Variants in LRP1B observed in about 807,000 individuals in gnomAD.
The protein encoded by LRP1B is low-density lipoprotein receptor-related protein 1B.
In LRP1B, 217 loss-of-function variants were observed where a neutral mutation model predicts 556.6. That is an observed-to-expected ratio of 0.39 (90% CI 0.35 to 0.44). The LOEUF (loss-of-function observed/expected upper bound fraction) is 0.44, where lower values mean the gene tolerates loss of function less well. Among genes scored for constraint, LRP1B ranks in the 20% least tolerant of loss-of-function variants. The pLI is 1.00. For synonymous variants in LRP1B, 2,047 were observed against 1,865.8 expected, an observed-to-expected ratio of 1.10 and a Z score of -2.50; for missense variants, 5,053 against 5,620.8, an observed-to-expected ratio of 0.90 and a Z score of 3.23.
chr2:141,217,484 G>T (rs955527618), intron 6 of LRP1B, among the ~76,000 whole-genome samples: 3 of 152,082 alleles, frequency 2.0e-5, no homozygotes, highest in Non-Finnish European at 4.4e-5. Context: ...GAAGACAGAG[G>T]TGAACTATCA....
intron 66 of LRP1B, among the ~76,000 whole-genome samples, chr2:140,400,398 T>C (rs1416510518): frequency 6.6e-6 from 1 of 152,198 alleles, no homozygotes; most frequent in African/African-American, 2.4e-5. Context: ...ATCTCGTTCC[T>C]GTAGCAACAT....
At chr2:140,301,691 T>C (rs983059847) in intron 83 of LRP1B, among the ~76,000 whole-genome samples, 2 of 151,950 alleles carry the variant, frequency 1.3e-5, no homozygotes, top group Admixed American at 1.3e-4. Flanking sequence ...TATAAACTGA[T>C]TTTAATTATT....
chr2:140,605,015 T>C (rs1057343796), intron 41 of LRP1B, among the ~76,000 whole-genome samples: 1 of 152,054 alleles, frequency 6.6e-6, no homozygotes, highest in Admixed American at 6.6e-5. Context: ...AATTACCCAG[T>C]CTCGGGTATG....
intron 31 of LRP1B, among the ~76,000 whole-genome samples, chr2:140,827,599 T>G (rs1691554283): frequency 6.6e-6 from 1 of 151,246 alleles, no homozygotes; most frequent in African/African-American, 2.4e-5. Flanking sequence ...TAAAAAGAAA[T>G]GAAGAACACC....
chr2:141,270,597 TGCAGG>T (rs1259636429), intron 3 of LRP1B, among the ~76,000 whole-genome samples: 4 of 152,062 alleles, frequency 2.6e-5, no homozygotes, highest in African/African-American at 9.7e-5. Context: ...TGGGACATTA[TGCAGG>T]CTTAACAAAA....
chr2:140,315,648 A>G (rs893090704), intron 82 of LRP1B, among the ~76,000 whole-genome samples: 5 of 152,122 alleles, frequency 3.3e-5, no homozygotes, highest in African/African-American at 1.2e-4. Context: ...ATATTTTCCA[A>G]CCAAGAAATC....
intron 20 of LRP1B, among the ~76,000 whole-genome samples, chr2:140,942,080 A>G (rs1166869730): frequency 6.6e-6 from 1 of 152,188 alleles, no homozygotes; most frequent in Non-Finnish European, 1.5e-5. Context: ...TGACAAAGCT[A>G]TATTAAGAAA....
intron 2 of LRP1B, among the ~76,000 whole-genome samples, chr2:141,632,253 T>A (rs1269626686): frequency 6.6e-6 from 1 of 152,146 alleles, no homozygotes; most frequent in East Asian, 1.9e-4. Context: ...ATATAATAAT[T>A]TATCTAATGT....
At chr2:141,701,205 C>T (rs1691928710) in intron 2 of LRP1B, among the ~76,000 whole-genome samples, 2 of 151,828 alleles carry the variant, frequency 1.3e-5, no homozygotes, top group South Asian at 4.1e-4. Context: ...ATGTTTTCTA[C>T]TGTCCACAGG....
At chr2:141,984,265 C>G (rs955536216) in intron 1 of LRP1B, among the ~76,000 whole-genome samples, 1 of 151,532 alleles carries the variant, frequency 6.6e-6, no homozygotes, top group African/African-American at 2.4e-5. Flanking sequence ...CCCATAAACT[C>G]GTCATTTAGC....
intron 63 of LRP1B, 52 bp from the exon 64 acceptor site, chr2:140,444,731 C>A (rs991083370): frequency 1.9e-6 from 2 of 1,067,920 alleles, no homozygotes; most frequent in African/African-American, 3.2e-5. Context: ...CTCACAACTT[C>A]TTAAACATAG....
chr2:141,211,313 A>C lies in LRP1B; in HGVS notation c.850+17870T>G, dbSNP rs546630740. 8.8e-3 allele frequency among the ~76,000 whole-genome samples: 1,278 copies of C among 145,800 alleles called. 18 individuals carry two copies. The highest frequency in any genetic ancestry group is 0.03 in the African/African-American group (1,192 of 39,846). On this transcript the variant is annotated intron_variant, in intron 6 of 90. Coordinates refer to ENST00000389484, the MANE Select transcript of LRP1B (RefSeq NM_018557.3). ...CATTTTTCTTTTTTTTTAAAAAAAA[A>C]AAACAAAACAAAAACTAAGCATTCA...
At chr2:141,544,316 C>CTTCTTCTTCTT (rs1553533101) in intron 2 of LRP1B, among the ~76,000 whole-genome samples, 15 of 34,570 alleles carry the variant, frequency 4.3e-4, no homozygotes, top group South Asian at 4.4e-3. Context: ...TCTTCTTCTT[C>CTTCTTCTTCTT]TTCTTCTTCT....
At chr2:140,928,009 G>T (rs536311718) in intron 20 of LRP1B, among the ~76,000 whole-genome samples, 93 of 152,072 alleles carry the variant, frequency 6.1e-4, no homozygotes, top group African/African-American at 2.1e-3. Flanking sequence ...GCCTCTCAAA[G>T]TTCTGGGATT....
At chr2:141,354,655 T>C (rs1262879377) in intron 3 of LRP1B, among the ~76,000 whole-genome samples, 1 of 151,974 alleles carries the variant, frequency 6.6e-6, no homozygotes, top group African/African-American at 2.4e-5. Context: ...TATTGGAGCA[T>C]AGAGAAGTGG....
intron 31 of LRP1B, among the ~76,000 whole-genome samples, chr2:140,816,117 AT>A (rs574724280): frequency 0.017 from 2,460 of 148,498 alleles, 40 homozygotes; most frequent in African/African-American, 0.05. Flanking sequence ...TCTCAACTGA[AT>A]TTTTTTTTTT....
At chr2:141,868,616 A>T (rs1299036710) in intron 1 of LRP1B, among the ~76,000 whole-genome samples, 1 of 152,138 alleles carries the variant, frequency 6.6e-6, no homozygotes, top group East Asian at 1.9e-4. Flanking sequence ...TGCTGACCTG[A>T]TCTTTATCTG....
At chr2:140,657,727 T>C (rs1187738575) in intron 41 of LRP1B, among the ~76,000 whole-genome samples, 1 of 151,048 alleles carries the variant, frequency 6.6e-6, no homozygotes, top group Non-Finnish European at 1.5e-5. Flanking sequence ...TTAAATTATA[T>C]CTATTGAGGT....
intron 2 of LRP1B, among the ~76,000 whole-genome samples, chr2:141,534,208 TGA>T (rs926927336): frequency 4.6e-5 from 7 of 152,250 alleles, no homozygotes; most frequent in African/African-American, 1.2e-4. Flanking sequence ...ATGGATGCAG[TGA>T]GAGAGTGTTC....
Sources: allele counts gnomAD v4.1 joint callset (sites outside exome capture counted in the v4.1 genomes callset), GRCh38; gene constraint gnomAD v4.1.1; transcripts MANE v1.5; gene names NCBI Gene and HGNC (gene_info 2026-07-23, HGNC 2026-07-21).